ATP8B4: variants seen among roughly 807,000 people sequenced by gnomAD.
ATP8B4 encodes the protein probable phospholipid-transporting ATPase IM.
In ATP8B4, 133 loss-of-function variants were observed where a neutral mutation model predicts 145.6. That is an observed-to-expected ratio of 0.91 (90% CI 0.79 to 1.05). ATP8B4 has a LOEUF of 1.05. ATP8B4 is among the 50% of genes least tolerant of loss of function. ATP8B4 has a pLI of 0.00. For missense variants in ATP8B4, 1,458 were observed against 1,425.2 expected (o/e 1.02, Z -0.37); for synonymous variants, 507 against 492.9 (o/e 1.03, Z -0.38).
chr15:49,901,023 A>T, intron 21 of ATP8B4, 69 bp downstream of exon 21: 1 of 1,541,270 alleles, frequency 6.5e-7, no homozygotes, highest in Non-Finnish European at 8.8e-7. Flanking sequence ...AGGTCTCATT[A>T]TGATAGCACA....
intron 12 of ATP8B4, 132 bp downstream of exon 12, chr15:49,979,485 G>C (rs2045971018): frequency 3.0e-6 from 2 of 656,976 alleles, no homozygotes; most frequent in Non-Finnish European, 4.7e-6. Flanking sequence ...TGTCCCATTT[G>C]TAACAGATGT....
chr15:50,166,186 ATT>A (rs929362938), intron 1 of ATP8B4, among the ~76,000 whole-genome samples: 3 of 152,244 alleles, frequency 2.0e-5, no homozygotes, highest in Non-Finnish European at 4.4e-5. Context: ...TGAAAATACT[ATT>A]CAAAAATGAA....
Position 49,862,426 on chromosome 15 carries a change from TATTA to T in ATP8B4, c.3167-55_3167-52del, listed in dbSNP as rs758581123. 2.5e-5 allele frequency: 40 copies of T among 1,568,658 alleles called. No homozygotes were observed. In the African/African-American group the frequency reaches 4.5e-4, roughly 18 times the overall value. ...ACTGTGGTTACAAGTAGGACTGAAT[TATTA>T]ATTAATAGGTTCTTTGTTCCTACAA... On this transcript the variant is annotated intron_variant, in intron 26 of 27. Coordinates refer to ENST00000284509, the MANE Select transcript of ATP8B4 (RefSeq NM_024837.4).
chr15:50,061,031 G>T (rs1229850239), intron 3 of ATP8B4, among the ~76,000 whole-genome samples: 1 of 152,166 alleles, frequency 6.6e-6, no homozygotes, highest in Non-Finnish European at 1.5e-5. Context: ...GGAGGTACTG[G>T]ATTCCCCCAG....
In ATP8B4 at chr15:49,896,422, C is replaced by T. The variant is rs565192981; in HGVS notation, c.2697+870G>A. 2.0e-5 allele frequency: 3 copies of T among 152,330 alleles called. No individual in the cohort carries two copies. The East Asian group carries it at 5.8e-4, about 29-fold the overall frequency. 9.4% of individuals were successfully genotyped at this position (152,330 alleles called of 1,614,324 possible). On this transcript the variant is annotated intron_variant, in intron 23 of 27. Transcript: ENST00000284509. ...AAGATGCCAAGATTTCATTTATCCT[C>T]AGTCTTTTTGAATAAAATGATTTTT...
chr15:50,106,221 G>T (rs1364104648), intron 2 of ATP8B4, among the ~76,000 whole-genome samples: 3 of 152,136 alleles, frequency 2.0e-5, no homozygotes, highest in African/African-American at 7.2e-5. Context: ...AGAGTCTATG[G>T]TCAAAAATAA....
intron 14 of ATP8B4, among the ~76,000 whole-genome samples, chr15:49,941,159 T>C (rs1044675816): frequency 5.3e-5 from 8 of 152,086 alleles, no homozygotes; most frequent in African/African-American, 1.9e-4. Context: ...GCACTCACAG[T>C]GGTTAAAATC....
rs1250911157 is a variant in ATP8B4 at position 50,036,507 on chromosome 15, C to G, written c.362+2261G>C. Among the ~76,000 whole-genome samples, 5 of 152,326 alleles carry G rather than the reference C, an allele frequency of 3.3e-5. No individual in the cohort carries two copies. The East Asian group carries it at 9.6e-4, about 29-fold the overall frequency. On this transcript the variant is annotated intron_variant, in intron 6 of 27. Transcript: ENST00000284509. ...CTGGGCAGAACCCCAACAGCATCCT[C>G]CATAACCGATTTCCCCAATATCTCA... is the stretch of plus-strand genomic sequence containing the variant.
chr15:50,009,415 G>A (rs1599780385), intron 7 of ATP8B4: 1 of 210,552 alleles, frequency 4.7e-6, no homozygotes, highest in African/African-American at 2.4e-5. Context: ...GAATCGTATA[G>A]TCTAGTGTCA....
chr15:49,883,108 C>T (rs778399785), intron 23 of ATP8B4: 46 of 151,514 alleles, frequency 3.0e-4, no homozygotes, highest in Non-Finnish European at 5.9e-5. Flanking sequence ...CAGGTAGTTC[C>T]AATGTGAAGC....
chr15:50,065,771 T>C (rs936689878), intron 3 of ATP8B4, among the ~76,000 whole-genome samples: 6 of 152,222 alleles, frequency 3.9e-5, no homozygotes, highest in Admixed American at 6.6e-5. Context: ...TTTTGTACCA[T>C]TGCAGTGAAG....
Position 49,876,941 on chromosome 15 carries a change from G to A in ATP8B4, c.2782-418C>T, listed in dbSNP as rs1215347495. 3.3e-5 allele frequency among the ~76,000 whole-genome samples: 5 copies of A among 152,320 alleles called. 1 individual carries two copies. The South Asian group carries it at 1.0e-3, about 32-fold the overall frequency. On this transcript the variant is annotated intron_variant, in intron 24 of 27. Coordinates refer to ENST00000284509, the MANE Select transcript of ATP8B4 (RefSeq NM_024837.4). Reference sequence around the variant, plus strand: ...AATTGTCAAGGTAGTGAGTGGTAGTGACCAGGAGATGACAGCAGAGAGCTG... The same window carrying A: ...AATTGTCAAGGTAGTGAGTGGTAGTAACCAGGAGATGACAGCAGAGAGCTG...
chr15:50,044,777 G>A (rs748775885), intron 4 of ATP8B4, 85 bp from the exon 5 acceptor site: 25 of 894,904 alleles, frequency 2.8e-5, no homozygotes, highest in Non-Finnish European at 4.0e-5. Context: ...TCAAATTAAT[G>A]GGGTTATATT....
intron 23 of ATP8B4, among the ~76,000 whole-genome samples, chr15:49,890,264 A>G (rs915933071): frequency 3.3e-5 from 5 of 152,208 alleles, no homozygotes; most frequent in African/African-American, 1.2e-4. Context: ...CACTGCTGTC[A>G]GGACTGGACA....
At chr15:49,998,017 A>G (rs943487644) in intron 8 of ATP8B4, among the ~76,000 whole-genome samples, 18 of 152,064 alleles carry the variant, frequency 1.2e-4, no homozygotes, top group African/African-American at 4.1e-4. Flanking sequence ...CCATCCATTT[A>G]AACAACTGTT....
At chr15:50,071,700 A>G (rs186168613) in intron 3 of ATP8B4, among the ~76,000 whole-genome samples, 1 of 152,352 alleles carries the variant, frequency 6.6e-6, no homozygotes, top group East Asian at 1.9e-4. Context: ...CTGAATGACC[A>G]TATGTCAGGA....
intron 27 of ATP8B4, among the ~76,000 whole-genome samples, chr15:49,861,473 T>TCTACCTAC (rs71124313): frequency 0.04 from 5,352 of 134,152 alleles, 126 homozygotes; most frequent in Non-Finnish European, 0.055. Context: ...TATCTATCTA[T>TCTACCTAC]CTACCTACCT....
intron 1 of ATP8B4, among the ~76,000 whole-genome samples, chr15:50,131,810 ATATT>A (rs1181283271): frequency 2.8e-4 from 42 of 149,550 alleles, no homozygotes; most frequent in Admixed American, 4.0e-4. Context: ...AATACTAAAA[ATATT>A]TATATTTCAA....
At chr15:50,115,857 T>C (rs2057145908) in intron 1 of ATP8B4, among the ~76,000 whole-genome samples, 1 of 152,212 alleles carries the variant, frequency 6.6e-6, no homozygotes, top group South Asian at 2.1e-4. Flanking sequence ...CAGAGAGCAT[T>C]GCCATGGTCA....
Sources: allele counts gnomAD v4.1 joint callset (sites outside exome capture counted in the v4.1 genomes callset), GRCh38; gene constraint gnomAD v4.1.1; transcripts MANE v1.5; gene names NCBI Gene and HGNC (gene_info 2026-07-23, HGNC 2026-07-21).